The following SLC8A1 variants were observed in gnomAD, a reference collection of about 807,000 sequenced individuals.
SLC8A1 encodes the protein solute carrier family 8 member A1.
Under a neutral mutation model 68.3 loss-of-function variants are expected in SLC8A1, and 18 were observed. The ratio of observed to expected loss-of-function variants is 0.26; its 90% CI spans 0.18 to 0.39. SLC8A1 has a LOEUF of 0.39. SLC8A1 is among the 10% of genes least tolerant of loss of function. The pLI, the probability that SLC8A1 is intolerant of heterozygous loss-of-function variation, is 1.00. For synonymous variants in SLC8A1, 475 were observed against 415.5 expected (o/e 1.14, Z -1.74); for missense variants, 985 against 1,156.7 (o/e 0.85, Z 2.15).
At chr2:40,393,268 T>C (rs1685891350) in intron 2 of SLC8A1, among the ~76,000 whole-genome samples, 1 of 152,208 alleles carries the variant, frequency 6.6e-6, no homozygotes, top group Non-Finnish European at 1.5e-5. Context: ...TCTGTATTAC[T>C]TAGGAAAAAA....
intron 2 of SLC8A1, among the ~76,000 whole-genome samples, chr2:40,265,772 C>G (rs2065282598): frequency 1.3e-5 from 2 of 152,072 alleles, no homozygotes; most frequent in African/African-American, 4.8e-5. Context: ...AGCATGGCTC[C>G]CTTCATATAT....
intron 2 of SLC8A1, among the ~76,000 whole-genome samples, chr2:40,357,832 G>C (rs1413562190): frequency 6.6e-6 from 1 of 152,088 alleles, no homozygotes; most frequent in Non-Finnish European, 1.5e-5. Context: ...GGAGAGTACA[G>C]TTGATGGCTT....
At chr2:40,252,862 T>G (rs1343286400) in intron 2 of SLC8A1, among the ~76,000 whole-genome samples, 10,595 of 133,412 alleles carry the variant, frequency 0.079, 304 homozygotes, top group African/African-American at 0.15. Flanking sequence ...ATATACACAT[T>G]TGATTCCAAT....
At chr2:40,435,047 C>A (rs1452638733) in intron 1 of SLC8A1, among the ~76,000 whole-genome samples, 1 of 152,128 alleles carries the variant, frequency 6.6e-6, no homozygotes, top group Non-Finnish European at 1.5e-5. Flanking sequence ...TGACTCAGAG[C>A]AAAGGCATAT....
rs59783278 is a variant in SLC8A1, at chr2:40,435,942, A to ATTTTT, written c.-24-5643_-24-5639dup. ...AGGTGCCTGCCAACCATGCTCGGCT[A>ATTTTT]TTTTTTTTTTTTTTTTTGTATTTTT... On this transcript the variant is annotated intron_variant, in intron 1 of 7. Transcript: ENST00000406785. 7.8e-4 allele frequency among the ~76,000 whole-genome samples: 98 copies of ATTTTT among 125,424 alleles called. 1 individual carries two copies. The highest frequency in any genetic ancestry group is 3.6e-3 in the East Asian group (15 of 4,188). The allele number at this position is 125,424 out of a possible 152,430, so 82.3% of individuals were successfully genotyped here.
chr2:40,429,982 A>G, exon 2 of SLC8A1: 1 of 1,613,904 alleles, frequency 6.2e-7, no homozygotes, highest in Non-Finnish European at 8.5e-7. Context: ...TATAGAGGAC[A>G]TGAACCGATC....
chr2:40,222,506 A>G (rs529843481), intron 2 of SLC8A1, among the ~76,000 whole-genome samples: 1 of 152,374 alleles, frequency 6.6e-6, no homozygotes, highest in South Asian at 2.1e-4. Flanking sequence ...CAATGGCAAC[A>G]AAAGCCAAAA....
Position 40,137,055 on chromosome 2 carries a change from T to A in SLC8A1, c.2437+2346A>T, listed in dbSNP as rs925589395. On this transcript the variant is annotated intron_variant, in intron 7 of 7. Coordinates refer to ENST00000406785, the Ensembl canonical transcript of SLC8A1. ...AAACAGATTTTCTTACCTCTTGATG[T>A]CTCCACCTGGCTTCTGAGTTAGTTT... 3.9e-5 allele frequency among the ~76,000 whole-genome samples: 6 copies of A among 152,318 alleles called. No individual in the cohort carries two copies. The East Asian group carries it at 1.2e-3, about 29-fold the overall frequency.
At chr2:40,148,775 G>A (rs1034217905) in intron 6 of SLC8A1, among the ~76,000 whole-genome samples, 1 of 152,192 alleles carries the variant, frequency 6.6e-6, no homozygotes, top group African/African-American at 2.4e-5. Context: ...TTTAAGAGAA[G>A]TTATATGCTT....
exon 8 of SLC8A1, chr2:40,107,931 G>A (rs1436153913): frequency 1.3e-5 from 2 of 152,148 alleles, no homozygotes; most frequent in Non-Finnish European, 2.9e-5. Context: ...TCAAAAGAAA[G>A]AATATTGAAA....
chr2:40,376,793 C>T (rs1159462662), intron 2 of SLC8A1, among the ~76,000 whole-genome samples: 2 of 152,072 alleles, frequency 1.3e-5, no homozygotes, highest in Non-Finnish European at 2.9e-5. Flanking sequence ...GTCCTTAATG[C>T]AGGAGGAGTA....
intron 1 of SLC8A1, among the ~76,000 whole-genome samples, chr2:40,449,831 A>G (rs974658935): frequency 2.0e-5 from 3 of 152,158 alleles, no homozygotes; most frequent in African/African-American, 7.2e-5. Flanking sequence ...TCAACAATAA[A>G]TAATGGTTTA....
intron 2 of SLC8A1, among the ~76,000 whole-genome samples, chr2:40,232,937 T>C (rs1171658168): frequency 1.3e-5 from 2 of 151,168 alleles, no homozygotes. Context: ...CTCATCCTTT[T>C]TTATGGCTGC....
At chr2:40,485,476 C>G (rs527862785) in intron 1 of SLC8A1, among the ~76,000 whole-genome samples, 136 of 152,280 alleles carry the variant, frequency 8.9e-4, no homozygotes, top group African/African-American at 3.0e-3. Flanking sequence ...TTCCCTATGT[C>G]TCTTGCTTGC....
intron 2 of SLC8A1, among the ~76,000 whole-genome samples, chr2:40,409,707 A>G (rs151101116): frequency 2.0e-5 from 3 of 152,266 alleles, no homozygotes; most frequent in African/African-American, 7.2e-5. Context: ...AGTTGATTAC[A>G]GTAGAAATCA....
intron 2 of SLC8A1, among the ~76,000 whole-genome samples, chr2:40,218,496 GCTA>G (rs1558803879): frequency 6.6e-6 from 1 of 151,900 alleles, no homozygotes; most frequent in East Asian, 1.9e-4. Flanking sequence ...ACATTTTGCC[GCTA>G]CTTTTACTAT....
intron 2 of SLC8A1, among the ~76,000 whole-genome samples, chr2:40,228,663 G>T (rs77702810): frequency 0.062 from 9,377 of 152,206 alleles, 395 homozygotes; most frequent in Middle Eastern, 0.13. Flanking sequence ...TAAAGGTTTG[G>T]GTGGCAGGGA....
At chr2:40,160,931 G>T in intron 5 of SLC8A1, 67 bp from the exon 9 acceptor site, 1 of 1,187,810 alleles carries the variant, frequency 8.4e-7, no homozygotes, top group Non-Finnish European at 1.2e-6. Context: ...CCAAGACCTT[G>T]TTGATTTTGA....
At chr2:40,401,087 T>C (rs1364104499) in intron 2 of SLC8A1, among the ~76,000 whole-genome samples, 1 of 152,216 alleles carries the variant, frequency 6.6e-6, no homozygotes, top group African/African-American at 2.4e-5. Context: ...TTTATTACTA[T>C]TTTCCAGTTG....
Sources: allele counts gnomAD v4.1 joint callset (sites outside exome capture counted in the v4.1 genomes callset), GRCh38; gene constraint gnomAD v4.1.1; transcripts MANE v1.5; gene names NCBI Gene and HGNC (gene_info 2026-07-23, HGNC 2026-07-21).